Variants in SAMMSON observed in about 807,000 individuals in gnomAD.
SAMMSON encodes the protein survival associated mitochondrial melanoma specific oncogenic non-coding RNA, also known as long intergenic non-protein coding RNA 1212.
At chr3:70,197,599 T>C (rs1188715680) in intron 4 of SAMMSON, among the ~76,000 whole-genome samples, 1 of 152,220 alleles carries the variant, frequency 6.6e-6, no homozygotes, top group Non-Finnish European at 1.5e-5. Context: ...GGAGAGACTG[T>C]ACAAATGCCC....
chr3:70,237,602 G>T (rs1043311609), intron 4 of SAMMSON, among the ~76,000 whole-genome samples: 1 of 152,100 alleles, frequency 6.6e-6, no homozygotes, highest in Non-Finnish European at 1.5e-5. Flanking sequence ...TACTCCCACA[G>T]AGCTAAACCT....
At chr3:70,411,694 G>A (rs1269404139) in intron 2 of SAMMSON, among the ~76,000 whole-genome samples, 1 of 152,126 alleles carries the variant, frequency 6.6e-6, no homozygotes, top group Admixed American at 6.6e-5. Flanking sequence ...AAGAACTGAT[G>A]GTTTTATAAA....
intron 1 of SAMMSON, among the ~76,000 whole-genome samples, chr3:70,000,544 G>A (rs1427597932): frequency 1.3e-5 from 2 of 152,134 alleles, no homozygotes; most frequent in Non-Finnish European, 2.9e-5. Flanking sequence ...TATGCCAAAT[G>A]TAAACATATT....
chr3:70,231,345 A>G (rs779770847), intron 4 of SAMMSON, among the ~76,000 whole-genome samples: 4 of 152,162 alleles, frequency 2.6e-5, no homozygotes, highest in African/African-American at 7.2e-5. Context: ...GCAGCCCGCC[A>G]TCTCTCTCTG....
intron 4 of SAMMSON, among the ~76,000 whole-genome samples, chr3:70,087,052 T>A (rs1295284535): frequency 6.6e-6 from 1 of 152,182 alleles, no homozygotes; most frequent in Non-Finnish European, 1.5e-5. Context: ...ACCTGAAAGA[T>A]GCCATCTCTG....
intron 3 of SAMMSON, among the ~76,000 whole-genome samples, chr3:70,027,460 A>G (rs2067045436): frequency 6.6e-6 from 1 of 152,214 alleles, no homozygotes; most frequent in Admixed American, 6.5e-5. Context: ...TTTATCATCA[A>G]GCTTGTGCTA....
At chr3:70,115,342 A>G (rs930916223) in intron 4 of SAMMSON, among the ~76,000 whole-genome samples, 2 of 152,038 alleles carry the variant, frequency 1.3e-5, no homozygotes, top group African/African-American at 4.8e-5. Context: ...TGTGTTCACT[A>G]TATTAGGGCT....
chr3:70,328,875 C>T (rs945330764), intron 7 of SAMMSON, among the ~76,000 whole-genome samples: 2 of 152,118 alleles, frequency 1.3e-5, no homozygotes, highest in African/African-American at 4.8e-5. Context: ...CAAAAATTAT[C>T]AAATTACTTA....
intron 9 of SAMMSON, among the ~76,000 whole-genome samples, chr3:70,368,297 T>C (rs1702936896): frequency 6.6e-6 from 1 of 151,442 alleles, no homozygotes; most frequent in Non-Finnish European, 1.5e-5. Context: ...TTTAATGATA[T>C]TAAAAACATT....
intron 4 of SAMMSON, among the ~76,000 whole-genome samples, chr3:70,128,029 C>T (rs926046993): frequency 6.6e-6 from 1 of 152,206 alleles, no homozygotes; most frequent in Non-Finnish European, 1.5e-5. Context: ...GGTCAGGCAT[C>T]ATTTTCAGTT....
intron 7 of SAMMSON, among the ~76,000 whole-genome samples, chr3:70,319,243 C>T (rs1312641343): frequency 6.6e-6 from 1 of 152,062 alleles, no homozygotes; most frequent in Non-Finnish European, 1.5e-5. Context: ...AAGTCTGCCA[C>T]TAAATTTGGG....
At chr3:70,407,025 T>C (rs531869789) in intron 2 of SAMMSON, among the ~76,000 whole-genome samples, 9 of 152,304 alleles carry the variant, frequency 5.9e-5, no homozygotes, top group Non-Finnish European at 1.2e-4. Flanking sequence ...ACTTCTTACA[T>C]GTTGTTGGCA....
At chr3:70,233,491 A>C (rs1701580408) in intron 4 of SAMMSON, among the ~76,000 whole-genome samples, 1 of 152,216 alleles carries the variant, frequency 6.6e-6, no homozygotes, top group Admixed American at 6.5e-5. Context: ...TTATAGATTT[A>C]AGATATATTA....
intron 9 of SAMMSON, among the ~76,000 whole-genome samples, chr3:70,366,492 G>GTTTTTTTTTTT: frequency 1.4e-4 from 14 of 100,714 alleles, no homozygotes; most frequent in East Asian, 5.6e-4. Flanking sequence ...GTGTTTTTAT[G>GTTTTTTTTTTT]TTTTTTTTTT....
At chr3:70,195,275 G>A (rs1461989145) in intron 4 of SAMMSON, among the ~76,000 whole-genome samples, 2 of 152,074 alleles carry the variant, frequency 1.3e-5, no homozygotes, top group Admixed American at 6.5e-5. Flanking sequence ...GTTTCTTCGA[G>A]CTTCTGAAAA....
intron 7 of SAMMSON, among the ~76,000 whole-genome samples, chr3:70,326,393 A>G (rs1038439657): frequency 2.0e-5 from 3 of 152,212 alleles, no homozygotes; most frequent in African/African-American, 7.2e-5. Flanking sequence ...TCATAGTATT[A>G]TTGTAGGAGT....
intron 4 of SAMMSON, among the ~76,000 whole-genome samples, chr3:70,157,432 A>G (rs2067596438): frequency 6.6e-6 from 1 of 152,106 alleles, no homozygotes; most frequent in African/African-American, 2.4e-5. Flanking sequence ...CAATAGTATG[A>G]CTGTGCTTAT....
At chr3:70,375,522 GTT>G (rs1191067899) in intron 9 of SAMMSON, among the ~76,000 whole-genome samples, 1 of 151,890 alleles carries the variant, frequency 6.6e-6, no homozygotes, top group Non-Finnish European at 1.5e-5. Context: ...TGGTGTGGGA[GTT>G]GGGAGGGGGT....
chr3:70,229,348 T>C (rs1701537918), intron 4 of SAMMSON, among the ~76,000 whole-genome samples: 1 of 152,204 alleles, frequency 6.6e-6, no homozygotes, highest in Admixed American at 6.5e-5. Flanking sequence ...TATTTGCATA[T>C]GCTGGTATAT....
Sources: gnomAD v4.1 joint callset for allele counts (sites outside exome capture counted in the v4.1 genomes callset) on GRCh38, gnomAD v4.1.1 for gene constraint, MANE v1.5 for transcripts, NCBI Gene and HGNC (gene_info 2026-07-23, HGNC 2026-07-21) for gene names.